The following CTNND2 variants were observed in gnomAD, a reference collection of about 807,000 sequenced individuals.
The protein encoded by CTNND2 is catenin delta 2.
A neutral mutation model predicts 144.4 loss-of-function variants in CTNND2; 22 were observed. The ratio of observed to expected loss-of-function variants is 0.15; its 90% CI spans 0.11 to 0.22. The LOEUF is 0.22. Among genes scored for constraint, CTNND2 ranks in the 10% least tolerant of loss-of-function variants. CTNND2 has a pLI of 1.00. For missense variants in CTNND2, 1,353 were observed against 1,618.8 expected (o/e 0.84, Z 2.82); for synonymous variants, 751 against 695.6 (o/e 1.08, Z -1.25).
chr5:11,748,184 T>TAA (rs11276431), intron 1 of CTNND2, among the ~76,000 whole-genome samples: 9 of 15,258 alleles, frequency 5.9e-4, no homozygotes, highest in Admixed American at 1.8e-3. Context: ...TTGCTGACCT[T>TAA]AAGAAAACAA....
chr5:11,095,170 C>G (rs764777893), intron 15 of CTNND2, among the ~76,000 whole-genome samples: 8 of 152,206 alleles, frequency 5.3e-5, no homozygotes, highest in Non-Finnish European at 7.3e-5. Context: ...CATATCTAAG[C>G]AGTTCTTGCA....
chr5:11,032,346 C>T (rs748744374), intron 16 of CTNND2, among the ~76,000 whole-genome samples: 21 of 152,112 alleles, frequency 1.4e-4, no homozygotes, highest in Admixed American at 5.2e-4. Context: ...TGTTTTGTCT[C>T]TCATTTCTCT....
At chr5:11,391,216 G>T (rs568560742) in intron 6 of CTNND2, among the ~76,000 whole-genome samples, 1 of 151,166 alleles carries the variant, frequency 6.6e-6, no homozygotes, top group Non-Finnish European at 1.5e-5. Context: ...CATATTCAAA[G>T]AAGTCTGTTT....
At chr5:11,545,120 CAA>C (rs112389408) in intron 3 of CTNND2, among the ~76,000 whole-genome samples, 3,968 of 36,504 alleles carry the variant, frequency 0.11, 144 homozygotes, top group East Asian at 0.39. Flanking sequence ...GACTCCGTCT[CAA>C]AAAAAAAAAA....
intron 6 of CTNND2, among the ~76,000 whole-genome samples, chr5:11,388,595 G>A (rs956020835): frequency 4.6e-5 from 7 of 152,190 alleles, no homozygotes; most frequent in Non-Finnish European, 8.8e-5. Flanking sequence ...TGGTTAAACA[G>A]AGAAATTTGT....
At chr5:11,089,747 C>T (rs1370540906) in intron 15 of CTNND2, among the ~76,000 whole-genome samples, 4 of 152,340 alleles carry the variant, frequency 2.6e-5, no homozygotes, top group Admixed American at 2.0e-4. Context: ...CAGTGGCTCA[C>T]GCCTGTAATC....
chr5:11,258,102 G>A (rs561240024), intron 9 of CTNND2, among the ~76,000 whole-genome samples: 3 of 152,298 alleles, frequency 2.0e-5, no homozygotes, highest in South Asian at 4.1e-4. Flanking sequence ...ATCCCTGAGT[G>A]CCGTGTTGGC....
intron 9 of CTNND2, among the ~76,000 whole-genome samples, chr5:11,338,778 G>A (rs1472815569): frequency 6.6e-6 from 1 of 152,202 alleles, no homozygotes; most frequent in Non-Finnish European, 1.5e-5. Flanking sequence ...CAAATACTGT[G>A]TGTGAACATT....
intron 1 of CTNND2, among the ~76,000 whole-genome samples, chr5:11,831,109 A>G (rs1793876152): frequency 6.6e-6 from 1 of 152,086 alleles, no homozygotes; most frequent in African/African-American, 2.4e-5. Context: ...ATTAAGTTGT[A>G]GATTCTTTCC....
At chr5:11,474,832 C>T (rs1342288910) in intron 3 of CTNND2, among the ~76,000 whole-genome samples, 2 of 152,134 alleles carry the variant, frequency 1.3e-5, no homozygotes, top group Admixed American at 1.3e-4. Context: ...CAGCACTTGT[C>T]GTCATTATTA....
chr5:11,342,006 T>C (rs1265928579), intron 9 of CTNND2, among the ~76,000 whole-genome samples: 1 of 152,160 alleles, frequency 6.6e-6, no homozygotes, highest in African/African-American at 2.4e-5. Context: ...CAAAACCTTG[T>C]CTCAAAAAAT....
intron 1 of CTNND2, among the ~76,000 whole-genome samples, chr5:11,762,041 T>C (rs1272271836): frequency 6.6e-6 from 1 of 152,190 alleles, no homozygotes; most frequent in Non-Finnish European, 1.5e-5. Flanking sequence ...TTCTATCATA[T>C]TTAGTTTCTA....
At chr5:11,513,049 T>A (rs1771807589) in intron 3 of CTNND2, among the ~76,000 whole-genome samples, 1 of 152,206 alleles carries the variant, frequency 6.6e-6, no homozygotes, top group Non-Finnish European at 1.5e-5. Context: ...CACAGCTGAC[T>A]TCATTTTCAT....
chr5:11,091,399 G>C (rs184597835), intron 15 of CTNND2, among the ~76,000 whole-genome samples: 8 of 152,238 alleles, frequency 5.3e-5, no homozygotes, highest in Admixed American at 4.6e-4. Context: ...ATGGAATACT[G>C]TTATAATAAT....
chr5:11,178,286 TA>T (rs1430832832), intron 11 of CTNND2, among the ~76,000 whole-genome samples: 1 of 152,198 alleles, frequency 6.6e-6, no homozygotes, highest in Non-Finnish European at 1.5e-5. Flanking sequence ...CTCAGTAGGT[TA>T]AAAGGAGAAC....
chr5:11,274,122 C>T (rs777514414), intron 9 of CTNND2, among the ~76,000 whole-genome samples: 2 of 152,158 alleles, frequency 1.3e-5, no homozygotes, highest in African/African-American at 2.4e-5. Flanking sequence ...TCCACGCCGC[C>T]AACATTCATC....
chr5:11,272,003 C>T (rs1746069763), intron 9 of CTNND2, among the ~76,000 whole-genome samples: 1 of 151,774 alleles, frequency 6.6e-6, no homozygotes, highest in African/African-American at 2.4e-5. Flanking sequence ...GGGAATAATA[C>T]AAATAAAAAT....
intron 2 of CTNND2, among the ~76,000 whole-genome samples, chr5:11,661,658 T>C (rs1783211540): frequency 6.6e-6 from 1 of 152,186 alleles, no homozygotes; most frequent in African/African-American, 2.4e-5. Flanking sequence ...TAGTAACTTT[T>C]GTAACAACTG....
intron 11 of CTNND2, among the ~76,000 whole-genome samples, chr5:11,176,669 T>C (rs1198439862): frequency 2.0e-5 from 3 of 152,154 alleles, no homozygotes; most frequent in Admixed American, 6.5e-5. Flanking sequence ...GGTTTCCTTA[T>C]CCTAACTTGC....
Sources: gnomAD v4.1 joint callset for allele counts (sites outside exome capture counted in the v4.1 genomes callset) on GRCh38, gnomAD v4.1.1 for gene constraint, MANE v1.5 for transcripts, NCBI Gene and HGNC (gene_info 2026-07-23, HGNC 2026-07-21) for gene names.